CBFA2T2: variants seen among roughly 807,000 people sequenced by gnomAD.
CBFA2T2 encodes CBFA2/RUNX1 partner transcriptional co-repressor 2, also known as protein CBFA2T2.
In CBFA2T2, 11 loss-of-function variants were observed where a neutral mutation model predicts 62.2. That is an observed-to-expected ratio of 0.18 (90% CI 0.11 to 0.29). CBFA2T2 has a LOEUF of 0.29. CBFA2T2 is among the 10% of genes least tolerant of loss of function. CBFA2T2 has a pLI of 1.00. For synonymous variants in CBFA2T2, 295 were observed against 287.5 expected, an observed-to-expected ratio of 1.03 and a Z score of -0.27; for missense variants, 592 against 774.1, an observed-to-expected ratio of 0.76 and a Z score of 2.79.
At chr20:33,543,735 C>T (rs1032120742) in intron 1 of CBFA2T2, among the ~76,000 whole-genome samples, 5 of 152,210 alleles carry the variant, frequency 3.3e-5, no homozygotes, top group African/African-American at 1.2e-4. Flanking sequence ...CTGCTTTGTG[C>T]AGCATTTGGA....
chr20:33,624,579 C>T (rs2016141032), intron 5 of CBFA2T2, among the ~76,000 whole-genome samples, 185 bp from the exon 6 acceptor site: 2 of 152,144 alleles, frequency 1.3e-5, no homozygotes, highest in Admixed American at 1.3e-4. Flanking sequence ...TATAAGTCAG[C>T]AATTTACATG....
intron 1 of CBFA2T2, among the ~76,000 whole-genome samples, chr20:33,592,835 A>G (rs1488651872): frequency 1.3e-5 from 2 of 152,188 alleles, no homozygotes. Flanking sequence ...TAGTGCATAT[A>G]AGGAAGACAG....
intron 1 of CBFA2T2, among the ~76,000 whole-genome samples, chr20:33,496,368 A>G (rs1490094783): frequency 1.3e-5 from 2 of 152,194 alleles, no homozygotes; most frequent in Admixed American, 1.3e-4. Context: ...TCACACCACC[A>G]CAGCCCTTTC....
rs887482922 is a variant in CBFA2T2, at chr20:33,611,100, A to G, written c.185A>G (p.Asn62Ser). The stretch of plus-strand genomic sequence containing the variant: ...CATTTTGGCTTTCTTTTAGTAAGCA[A>G]TGGCATCAACCATTCTCCTCCTACC... Reference protein sequence around the residue: ...PVSFTPTALSNGINHSPPTLN... With the variant: ...PVSFTPTALSSGINHSPPTLN... The change falls in exon 3 of 11, where the codon AAT becomes AGT. Residue 62 changes from asparagine to serine, a missense_variant. Physicochemically the swap from Asn to Ser is conservative, Grantham distance 46. This residue lies in a region of CBFA2T2 where 449 missense variants were observed against 551.2 expected (regional missense o/e 0.81). Coordinates refer to ENST00000342704, the MANE Select transcript of CBFA2T2 (RefSeq NM_001032999.3). 1.2e-6 allele frequency: 2 copies of G among 1,614,136 alleles called. No homozygotes were observed. Among genetic ancestry groups the G allele is most frequent in the Non-Finnish European group, 1.7e-6 (2 of 1,179,960 alleles).
chr20:33,500,608 C>T (rs2011263468), intron 1 of CBFA2T2, among the ~76,000 whole-genome samples: 1 of 151,970 alleles, frequency 6.6e-6, no homozygotes, highest in Non-Finnish European at 1.5e-5. Flanking sequence ...ACTTGGGAGG[C>T]TGAGGTGGGA....
chr20:33,543,593 A>C (rs1241718824), intron 1 of CBFA2T2, among the ~76,000 whole-genome samples: 1 of 152,182 alleles, frequency 6.6e-6, no homozygotes, highest in Non-Finnish European at 1.5e-5. Context: ...AAGGTGTTTT[A>C]GATTTCAGTC....
At chr20:33,543,842 T>A (rs7268715) in intron 1 of CBFA2T2, among the ~76,000 whole-genome samples, 8,694 of 152,162 alleles carry the variant, frequency 0.057, 324 homozygotes, top group African/African-American at 0.11. Context: ...TTAATTAATT[T>A]ATTTATTTAT....
intron 1 of CBFA2T2, among the ~76,000 whole-genome samples, chr20:33,523,667 C>T (rs1323488722): frequency 6.6e-6 from 1 of 151,804 alleles, no homozygotes; most frequent in African/African-American, 2.4e-5. Context: ...AATTTATTCC[C>T]TATGTGTTGT....
chr20:33,537,032 C>A (rs967698237), intron 1 of CBFA2T2, among the ~76,000 whole-genome samples: 4 of 151,966 alleles, frequency 2.6e-5, no homozygotes, highest in Admixed American at 2.6e-4. Flanking sequence ...GGGCTCCTCA[C>A]GTCCCAGACG....
At chr20:33,551,079 G>C (rs2012728900) in intron 1 of CBFA2T2, among the ~76,000 whole-genome samples, 1 of 152,170 alleles carries the variant, frequency 6.6e-6, no homozygotes, top group Non-Finnish European at 1.5e-5. Context: ...TCATTCGACG[G>C]AAGTGTTCAT....
At chr20:33,547,553 G>A (rs2012611161) in intron 1 of CBFA2T2, among the ~76,000 whole-genome samples, 1 of 152,062 alleles carries the variant, frequency 6.6e-6, no homozygotes, top group South Asian at 2.1e-4. Flanking sequence ...ATGGTGACAT[G>A]CACCTGTAGT....
At chr20:33,551,976 T>TA (rs1337592211) in intron 1 of CBFA2T2, among the ~76,000 whole-genome samples, 3 of 152,154 alleles carry the variant, frequency 2.0e-5, no homozygotes, top group Non-Finnish European at 4.4e-5. Context: ...ACAGCTGCTG[T>TA]AGTCTGACTT....
At chr20:33,526,756 A>G (rs1174091689) in intron 1 of CBFA2T2, among the ~76,000 whole-genome samples, 1 of 152,226 alleles carries the variant, frequency 6.6e-6, no homozygotes, top group Non-Finnish European at 1.5e-5. Context: ...GATTTATTAC[A>G]ATAAGGGAAA....
intron 9 of CBFA2T2, 84 bp from the exon 10 acceptor site, chr20:33,640,257 C>T (rs997675382): frequency 2.1e-5 from 26 of 1,235,894 alleles, no homozygotes; most frequent in Admixed American, 4.5e-5. Context: ...CACTTTGTGT[C>T]AGCTCTCTCC....
chr20:33,583,906 GTGA>G (rs1379343251), intron 1 of CBFA2T2, among the ~76,000 whole-genome samples: 1 of 151,892 alleles, frequency 6.6e-6, no homozygotes, highest in Non-Finnish European at 1.5e-5. Flanking sequence ...TTTGGTTTAA[GTGA>G]TTTTATTTAT....
chr20:33,512,402 C>T (rs2011526346), intron 1 of CBFA2T2, among the ~76,000 whole-genome samples: 1 of 152,152 alleles, frequency 6.6e-6, no homozygotes, highest in African/African-American at 2.4e-5. Flanking sequence ...CAGAAGCCTA[C>T]CTTCTTACTT....
At chr20:33,607,423 A>G (rs1601054647) in intron 2 of CBFA2T2, among the ~76,000 whole-genome samples, 1 of 152,344 alleles carries the variant, frequency 6.6e-6, no homozygotes, top group East Asian at 1.9e-4. Context: ...AGTTTTCTAA[A>G]ATTATAGAAT....
chr20:33,577,443 C>G (rs776323031), intron 1 of CBFA2T2, among the ~76,000 whole-genome samples: 9 of 152,060 alleles, frequency 5.9e-5, no homozygotes, highest in Non-Finnish European at 1.2e-4. Context: ...TCAGAAGCCT[C>G]TCTGATTGTC....
At chr20:33,496,466 C>T (rs184882346) in intron 1 of CBFA2T2, among the ~76,000 whole-genome samples, 2 of 152,268 alleles carry the variant, frequency 1.3e-5, no homozygotes, top group East Asian at 3.9e-4. Flanking sequence ...AGGGTTTTGA[C>T]AATGTTTGCA....
Sources: allele counts gnomAD v4.1 joint callset (sites outside exome capture counted in the v4.1 genomes callset), GRCh38; gene constraint gnomAD v4.1.1; regional missense constraint gnomAD v4.1.1; transcripts MANE v1.5; gene names NCBI Gene and HGNC (gene_info 2026-07-23, HGNC 2026-07-21).